The following LRP2 variants were observed in gnomAD, a reference collection of about 807,000 sequenced individuals.
LRP2 encodes LDL receptor related protein 2.
LRP2 carries 172 observed loss-of-function variants against 531.0 expected under a neutral mutation model. The observed-to-expected ratio is 0.32, with a 90% CI of 0.29 to 0.37. The LOEUF (loss-of-function observed/expected upper bound fraction) is 0.37. Ranked by LOEUF, LRP2 falls within the 10% of genes least tolerant of loss-of-function variation. LRP2 has a pLI of 1.00. For missense variants in LRP2, 5,167 were observed against 5,868.3 expected (o/e 0.88, Z 3.90); for synonymous variants, 1,992 against 2,027.6 (o/e 0.98, Z 0.47).
Position 169,247,413 on chromosome 2 carries a change from A to T in LRP2, c.2873T>A (p.Leu958Gln), listed in dbSNP as rs756152031. Residue 958 changes from leucine (L) to glutamine (Q), a missense_variant, in exon 20 of 79, where the codon CTG (leucine) becomes CAG (glutamine). This residue lies in a region of LRP2 where 2,811 missense variants were observed against 3,058.0 expected (regional missense o/e 0.92). Transcript: ENST00000649046. ...GTTGACATCATACGATTTCAAATGCAGTATGTAAGCAATGCCACTTCGGAT... is the reference window on the plus strand; with the variant it reads ...GTTGACATCATACGATTTCAAATGCTGTATGTAAGCAATGCCACTTCGGAT... The part of the protein sequence containing the change: ...TVIRSGIAYI[L>Q]HLKSYDVNIQ... 6.2e-7 allele frequency: 1 copy of T among 1,614,202 alleles called. No individual in the cohort carries two copies. Among genetic ancestry groups the T allele is most frequent in the Non-Finnish European group, 8.5e-7 (1 of 1,180,018 alleles).
At position 169,332,737 on chromosome 2, in the gene LRP2, A is replaced by C. The variant is rs186439957; in HGVS notation, c.80-11853T>G. On this transcript the variant is annotated intron_variant, in intron 1 of 78. Transcript: ENST00000649046. ...TATATACATATATATATACACACACATACGTACATGCACATACACATATAT... is the reference window on the plus strand; with the variant it reads ...TATATACATATATATATACACACACCTACGTACATGCACATACACATATAT... 5.5e-4 allele frequency among the ~76,000 whole-genome samples: 84 copies of C among 152,356 alleles called. No homozygotes were observed. The East Asian group carries it at 0.014, about 25-fold the overall frequency.
chr2:169,322,827 T>C (rs957790860), intron 1 of LRP2, among the ~76,000 whole-genome samples: 1 of 152,218 alleles, frequency 6.6e-6, no homozygotes, highest in Non-Finnish European at 1.5e-5. Flanking sequence ...AGTTTCATAT[T>C]GCTATGGAGA....
Position 169,350,721 on chromosome 2 carries a change from C to T in LRP2, c.79+11600G>A, listed in dbSNP as rs574334979. Among the ~76,000 whole-genome samples, 23 of 38,130 alleles carry T rather than the reference C, an allele frequency of 6.0e-4. No homozygotes were observed. In the South Asian group the frequency reaches 0.025, roughly 42 times the overall value. 25.0% of individuals were successfully genotyped at this position (38,130 alleles called of 152,430 possible). ...CCTGGGTGACAGAGCGAGACTCCATCGCAAAAAAAAAAAAAAAAAAAAAAA... is the reference window on the plus strand; with the variant it reads ...CCTGGGTGACAGAGCGAGACTCCATTGCAAAAAAAAAAAAAAAAAAAAAAA... On this transcript the variant is annotated intron_variant, in intron 1 of 78. Coordinates refer to ENST00000649046, the MANE Select transcript of LRP2 (RefSeq NM_004525.3).
chr2:169,285,585 G>C (rs772635659), intron 9 of LRP2, among the ~76,000 whole-genome samples: 1 of 151,954 alleles, frequency 6.6e-6, no homozygotes, highest in Non-Finnish European at 1.5e-5. Flanking sequence ...AAATACTGCT[G>C]TGAAAATGAC....
At chr2:169,141,913 T>C (rs553968634) in intron 71 of LRP2, among the ~76,000 whole-genome samples, 2 of 152,336 alleles carry the variant, frequency 1.3e-5, no homozygotes, top group African/African-American at 4.8e-5. Flanking sequence ...TCAGCCTGTT[T>C]GGAATGAGTC....
intron 17 of LRP2, among the ~76,000 whole-genome samples, 183 bp from the exon 18 acceptor site, chr2:169,257,432 G>A (rs1690349378): frequency 1.3e-5 from 2 of 152,060 alleles, no homozygotes; most frequent in African/African-American, 4.8e-5. Flanking sequence ...TAGTTAACAT[G>A]TAACCAAAGT....
At chr2:169,232,543 C>CAG (rs951831464) in intron 30 of LRP2, among the ~76,000 whole-genome samples, 7 of 150,858 alleles carry the variant, frequency 4.6e-5, no homozygotes, top group East Asian at 1.9e-4. Flanking sequence ...CAACTAAACT[C>CAG]AGAGAGAGAG....
rs1254690997 is a variant in LRP2, at chr2:169,209,619, A to G, written c.6303T>C (p.Asp2101=). Residue 2101 remains aspartate, a synonymous_variant, in exon 38 of 79, where the codon GAT becomes GAC. Coordinates refer to ENST00000649046, the MANE Select transcript of LRP2 (RefSeq NM_004525.3). Reference sequence around the variant, plus strand: ...AAATAAAGCCAGAGGACACATCCACATCCACATGCAGTGCGTTTCGTCCTG... The same window carrying G: ...AAATAAAGCCAGAGGACACATCCACGTCCACATGCAGTGCGTTTCGTCCTG... ...AGQGRNALHV[D]VDVSSGFIYW... 11 of 1,614,118 alleles carry G rather than the reference A, an allele frequency of 6.8e-6. No homozygotes were observed. The highest frequency in any genetic ancestry group is 9.3e-6 in the Non-Finnish European group (11 of 1,179,990).
At chr2:169,160,776 C>T (rs1244042707) in intron 63 of LRP2, among the ~76,000 whole-genome samples, 2 of 151,928 alleles carry the variant, frequency 1.3e-5, no homozygotes, top group African/African-American at 2.4e-5. Flanking sequence ...GGAGTCAGAA[C>T]CCAAACCTGC....
intron 1 of LRP2, among the ~76,000 whole-genome samples, chr2:169,361,186 C>G (rs765659678): frequency 1.3e-5 from 2 of 152,124 alleles, no homozygotes; most frequent in African/African-American, 2.4e-5. Flanking sequence ...GCAGCGTCCC[C>G]TCTGTCTGTC....
At chr2:169,248,117 A>G (rs528652017) in intron 19 of LRP2, among the ~76,000 whole-genome samples, 2 of 145,708 alleles carry the variant, frequency 1.4e-5, no homozygotes, top group African/African-American at 2.6e-5. Context: ...ACAAGTGTGG[A>G]TTCACCTACA....
chr2:169,310,170 C>T (rs982863879), intron 3 of LRP2, among the ~76,000 whole-genome samples: 17 of 152,166 alleles, frequency 1.1e-4, no homozygotes, highest in African/African-American at 2.2e-4. Flanking sequence ...CATCTGCAAA[C>T]GGGGACAATT....
intron 1 of LRP2, among the ~76,000 whole-genome samples, chr2:169,337,646 T>A (rs1427066847): frequency 6.6e-6 from 1 of 152,214 alleles, no homozygotes; most frequent in Non-Finnish European, 1.5e-5. Context: ...GTGGGTTCTG[T>A]TTAAACTGAA....
At chr2:169,187,439 G>A (rs1687672685) in intron 49 of LRP2, among the ~76,000 whole-genome samples, 1 of 152,270 alleles carries the variant, frequency 6.6e-6, no homozygotes, top group Admixed American at 6.5e-5. Flanking sequence ...ATGGTTACAA[G>A]GATTAAACAC....
chr2:169,315,397 C>G (rs1057108913), intron 3 of LRP2, among the ~76,000 whole-genome samples: 1 of 152,180 alleles, frequency 6.6e-6, no homozygotes, highest in Non-Finnish European at 1.5e-5. Context: ...TGGATGGGGA[C>G]AGTTTCCTTG....
intron 48 of LRP2, among the ~76,000 whole-genome samples, chr2:169,189,600 T>C (rs1355552398): frequency 6.6e-6 from 1 of 152,144 alleles, no homozygotes; most frequent in African/African-American, 2.4e-5. Flanking sequence ...TCCATGTTTT[T>C]CAGCAGCATC....
chr2:169,222,249 T>C (rs1390392703), intron 33 of LRP2, among the ~76,000 whole-genome samples: 2 of 152,172 alleles, frequency 1.3e-5, no homozygotes, highest in Non-Finnish European at 2.9e-5. Context: ...TCTAAAAATA[T>C]TGATCATTTG....
At chr2:169,154,894 C>G (rs985568673) in intron 65 of LRP2, among the ~76,000 whole-genome samples, 1 of 152,148 alleles carries the variant, frequency 6.6e-6, no homozygotes, top group Non-Finnish European at 1.5e-5. Context: ...GAGAACCCTA[C>G]GTACAGTCCT....
At chr2:169,205,837 C>T (rs1157532481) in intron 40 of LRP2, among the ~76,000 whole-genome samples, 186 bp downstream of exon 40, 1 of 152,102 alleles carries the variant, frequency 6.6e-6, no homozygotes, top group Admixed American at 6.5e-5. Flanking sequence ...ACCTTTCTGC[C>T]ATCAAAGGGA....
Sources: gnomAD v4.1 joint callset for allele counts (sites outside exome capture counted in the v4.1 genomes callset) on GRCh38, gnomAD v4.1.1 for gene constraint, gnomAD v4.1.1 regional missense constraint, MANE v1.5 for transcripts, NCBI Gene and HGNC (gene_info 2026-07-23, HGNC 2026-07-21) for gene names.